The following APC variants were observed in gnomAD, a reference collection of about 807,000 sequenced individuals.
APC encodes the protein adenomatous polyposis coli protein.
In APC, 72 loss-of-function variants were observed where a neutral mutation model predicts 247.0. The observed-to-expected ratio is 0.29, with a 90% CI of 0.24 to 0.35. The LOEUF (loss-of-function observed/expected upper bound fraction) is 0.35. Among genes scored for constraint, APC ranks in the 10% least tolerant of loss-of-function variants. The pLI is 1.00. For missense variants in APC, 3,400 were observed against 3,360.7 expected, an observed-to-expected ratio of 1.01 and a Z score of -0.29; for synonymous variants, 1,254 against 1,162.5, an observed-to-expected ratio of 1.08 and a Z score of -1.60.
chr5:112,813,194 G>A (rs1001581790), intron 8 of APC, among the ~76,000 whole-genome samples: 2 of 152,198 alleles, frequency 1.3e-5, no homozygotes, highest in African/African-American at 4.8e-5. Context: ...AGATTAGTAT[G>A]TGATAAAATG....
At chr5:112,835,272 A>G in intron 15 of APC, 107 bp downstream of exon 15, 1 of 971,274 alleles carries the variant, frequency 1.0e-6, no homozygotes, top group East Asian at 2.6e-5. Context: ...AAGCCAAAAT[A>G]TATTTATTAC....
At position 112,707,805 on chromosome 5, in the gene APC, A is replaced by T. The variant is rs2149630963; in HGVS notation, c.88A>T (p.Ser30Cys). 3 of 1,370,542 alleles carry T rather than the reference A, an allele frequency of 2.2e-6. No individual in the cohort carries two copies. The South Asian group carries it at 3.7e-5, about 17-fold the overall frequency. The allele number at this position is 1,370,542 out of a possible 1,614,324, so 84.9% of individuals were successfully genotyped here. A position where few individuals can be genotyped will look rare whatever the true frequency, so the allele number is the denominator to read the frequency against. Residue 30 changes from serine to cysteine, a missense_variant, in exon 1 of 14, where the codon AGC (serine) becomes TGC (cysteine). Physicochemically the swap from Ser to Cys is moderately radical, Grantham distance 112. Coordinates refer to the APC transcript ENST00000507379. ...TCTCGGGTCCTGGAGCACCGGCGGC[A>T]GCAGGAGCTGCGTCCGGCAGGAGAC...
chr5:112,734,575 A>G (rs775946783), upstream of APC, among the ~76,000 whole-genome samples: 2 of 152,214 alleles, frequency 1.3e-5, no homozygotes, highest in Non-Finnish European at 2.9e-5. Context: ...ACTCTATTCT[A>G]TGTCTAAGGT....
At chr5:112,782,309 C>T (rs942501934) in intron 6 of APC, among the ~76,000 whole-genome samples, 1 of 152,140 alleles carries the variant, frequency 6.6e-6, no homozygotes, top group Admixed American at 6.6e-5. Context: ...TTAATTATCT[C>T]CCACTGGGTC....
intron 9 of APC, among the ~76,000 whole-genome samples, chr5:112,818,327 G>A (rs1438378848): frequency 6.6e-6 from 1 of 152,164 alleles, no homozygotes; most frequent in Non-Finnish European, 1.5e-5. Flanking sequence ...TTGTCAGAGA[G>A]TAATTAGTAC....
chr5:112,719,071 G>A (rs751076286), intron 1 of APC, among the ~76,000 whole-genome samples: 2 of 152,226 alleles, frequency 1.3e-5, no homozygotes, highest in Non-Finnish European at 2.9e-5. Context: ...AATTATGTAA[G>A]CAAATAGAAT....
Position 112,707,790 on chromosome 5 carries a change from TG to T in APC, c.75del (p.Trp25Ter), listed in dbSNP as rs1465458179. 7.3e-7 allele frequency: 1 copy of T among 1,370,634 alleles called. No individual in the cohort carries two copies. Among genetic ancestry groups the T allele is most frequent in the South Asian group, 1.2e-5 (1 of 81,734 alleles). The allele number at this position is 1,370,634 out of a possible 1,614,324, so 84.9% of individuals were successfully genotyped here. ...TGTACCACCCTCAGTTCTCGGGTCC[TG>T]GAGCACCGGCGGCAGCAGGAGCTGC... On this transcript the variant is annotated frameshift_variant, in exon 1 of 14. Coordinates refer to the APC transcript ENST00000507379. LOFTEE classifies it high-confidence loss of function.
At chr5:112,785,556 A>C (rs1414218690) in intron 6 of APC, among the ~76,000 whole-genome samples, 1 of 152,198 alleles carries the variant, frequency 6.6e-6, no homozygotes, top group Non-Finnish European at 1.5e-5. Context: ...TTATGAAAGA[A>C]CGCATAATTG....
At chr5:112,796,764 T>A (rs1252199551) in intron 7 of APC, among the ~76,000 whole-genome samples, 3 of 152,078 alleles carry the variant, frequency 2.0e-5, no homozygotes, top group Non-Finnish European at 2.9e-5. Flanking sequence ...GTCTATTTTT[T>A]AAATTATTTT....
chr5:112,800,063 A>C (rs186202747), intron 7 of APC, among the ~76,000 whole-genome samples: 1 of 152,196 alleles, frequency 6.6e-6, no homozygotes, highest in East Asian at 1.9e-4. Flanking sequence ...TATTTCTGTC[A>C]TTATTTGACA....
rs1754972222 is a variant in APC at position 112,756,236 on chromosome 5, CTT to C, written c.135+1215_135+1216del. The stretch of plus-strand genomic sequence containing the variant: ...AACCTTTGCTCATGTGTCCTATTCT[CTT>C]TTTCCATCCCTCTATCAATCTTTTC... On this transcript the variant is annotated intron_variant, in intron 2 of 15. Coordinates refer to ENST00000257430, the MANE Select transcript of APC (RefSeq NM_000038.6). Among the ~76,000 whole-genome samples, 7 of 152,190 alleles carry C rather than the reference CTT, an allele frequency of 4.6e-5. No individual in the cohort carries two copies. The South Asian group carries it at 1.4e-3, about 31-fold the overall frequency.
At chr5:112,728,278 C>T (rs752081025) in intron 1 of APC, among the ~76,000 whole-genome samples, 28 of 152,068 alleles carry the variant, frequency 1.8e-4, no homozygotes, top group Non-Finnish European at 1.3e-4. Context: ...CAGGCGCCCA[C>T]CACCATGCCT....
At chr5:112,720,293 TTTAC>T (rs1751411873) in intron 1 of APC, among the ~76,000 whole-genome samples, 1 of 152,262 alleles carries the variant, frequency 6.6e-6, no homozygotes, top group Non-Finnish European at 1.5e-5. Flanking sequence ...GTGTTTACTG[TTTAC>T]TTATTTTTTT....
chr5:112,812,287 T>C (rs1762064739), intron 8 of APC, among the ~76,000 whole-genome samples: 1 of 152,170 alleles, frequency 6.6e-6, no homozygotes, highest in African/African-American at 2.4e-5. Flanking sequence ...TCTTCCAAGA[T>C]TGTGTGTTTG....
intron 1 of APC, among the ~76,000 whole-genome samples, chr5:112,724,282 C>T (rs187996618): frequency 3.3e-5 from 5 of 151,878 alleles, no homozygotes; most frequent in African/African-American, 1.2e-4. Context: ...TTCAGAAGCT[C>T]ATAGTCTAAT....
At chr5:112,738,516 G>A in intron 1 of APC, 1 of 983,950 alleles carries the variant, frequency 1.0e-6, no homozygotes, top group Non-Finnish European at 1.2e-6. Flanking sequence ...CACCAGTAGT[G>A]TGCCTGCTTT....
chr5:112,797,749 T>C (rs938166803), intron 7 of APC, among the ~76,000 whole-genome samples: 2 of 152,156 alleles, frequency 1.3e-5, no homozygotes, highest in Admixed American at 6.5e-5. Context: ...TAAAGATAAA[T>C]ACAACTCACC....
At chr5:112,722,912 T>C in intron 1 of APC, among the ~76,000 whole-genome samples, 1 of 152,052 alleles carries the variant, frequency 6.6e-6, no homozygotes, top group Non-Finnish European at 1.5e-5. Context: ...CATGTAGAAA[T>C]GTGTTTGGAC....
At chr5:112,793,078 G>A (rs1359538938) in intron 7 of APC, among the ~76,000 whole-genome samples, 3 of 151,996 alleles carry the variant, frequency 2.0e-5, no homozygotes, top group Non-Finnish European at 4.4e-5. Context: ...CTGGGTGTGA[G>A]AGTAAAAAAG....
Sources: gnomAD v4.1 joint callset for allele counts (sites outside exome capture counted in the v4.1 genomes callset) on GRCh38, gnomAD v4.1.1 for gene constraint, MANE v1.5 for transcripts, NCBI Gene and HGNC (gene_info 2026-07-23, HGNC 2026-07-21) for gene names.